Variants in TCTN2 observed in about 807,000 individuals in gnomAD.
TCTN2 encodes the protein tectonic family member 2, also known as tectonic-2.
In TCTN2, 66 loss-of-function variants were observed where a neutral mutation model predicts 83.4. That is an observed-to-expected ratio of 0.79 (90% CI 0.65 to 0.97). The LOEUF is 0.97. Among genes scored for constraint, TCTN2 ranks in the 50% least tolerant of loss-of-function variants. The probability of loss-of-function intolerance (pLI) is 0.00; values close to 1 mark genes in which losing one functional copy is unlikely to be tolerated. For synonymous variants in TCTN2, 301 were observed against 326.7 expected (o/e 0.92, Z 0.85); for missense variants, 794 against 858.1 (o/e 0.93, Z 0.93).
At chr12:123,701,981 A>G (rs1261991538) in intron 14 of TCTN2, among the ~76,000 whole-genome samples, 2 of 152,166 alleles carry the variant, frequency 1.3e-5, no homozygotes, top group African/African-American at 4.8e-5. Flanking sequence ...CCTTTGAGTC[A>G]TGGAGATCCA....
At chr12:123,679,413 GTA>G in intron 5 of TCTN2, 124 bp downstream of exon 5, 1 of 888,274 alleles carries the variant, frequency 1.1e-6, no homozygotes, top group Non-Finnish European at 1.8e-6. Context: ...CCAGGCTGGA[GTA>G]TGGTGATGCA....
chr12:123,707,932 A>G lies in TCTN2; in HGVS notation c.*219A>G. The G allele has an allele frequency of 1.9e-6, 1 of 536,758 alleles. No individual in the cohort carries two copies. The highest frequency in any genetic ancestry group is 3.4e-5 in the East Asian group (1 of 29,728). 33.2% of individuals were successfully genotyped at this position (536,758 alleles called of 1,614,324 possible). A position where few individuals can be genotyped will look rare whatever the true frequency, so the allele number is the denominator to read the frequency against. On this transcript the variant is annotated 3_prime_UTR_variant, in exon 18 of 18. Coordinates refer to ENST00000303372, the MANE Select transcript of TCTN2 (RefSeq NM_024809.5). ...ACCGTATTGGCCAGGCTGCTCTCGAACTCCTGACCTCATGATCCGCCCATC... is the reference window on the plus strand; with the variant it reads ...ACCGTATTGGCCAGGCTGCTCTCGAGCTCCTGACCTCATGATCCGCCCATC...
chr12:123,701,637 G>A (rs1956173982), intron 14 of TCTN2, among the ~76,000 whole-genome samples: 1 of 151,974 alleles, frequency 6.6e-6, no homozygotes, highest in Admixed American at 6.6e-5. Context: ...CAGCTACTCG[G>A]GAGGCTGAGG....
chr12:123,707,560 G>C, intron 17 of TCTN2, 44 bp from the exon 18 acceptor site: 1 of 1,562,902 alleles, frequency 6.4e-7, no homozygotes. Flanking sequence ...GTTATCAAAA[G>C]AGTTAAGAAA....
chr12:123,683,068 CA>C (rs1955919075), intron 5 of TCTN2, among the ~76,000 whole-genome samples: 1 of 151,022 alleles, frequency 6.6e-6, no homozygotes, highest in Non-Finnish European at 1.5e-5. Flanking sequence ...TACTAAAATA[CA>C]AAAATTAGCT....
Position 123,704,697 on chromosome 12 carries a change from A to G in TCTN2, c.1769+9A>G, listed in dbSNP as rs528667731. The stretch of plus-strand genomic sequence containing the variant: ...CTCGGTGTAGAGACAAGGTATGATC[A>G]CATCTTGGATCACCGTAGTTTAGAG... On this transcript the variant is annotated intron_variant, in intron 15 of 17. Coordinates refer to ENST00000303372, the MANE Select transcript of TCTN2 (RefSeq NM_024809.5). The G allele has an allele frequency of 2.5e-6, 4 of 1,613,548 alleles. No homozygotes were observed. The highest frequency in any genetic ancestry group is 3.3e-4 in the Middle Eastern group (2 of 6,054).
At chr12:123,681,694 G>A (rs531547624) in intron 5 of TCTN2, among the ~76,000 whole-genome samples, 8 of 152,220 alleles carry the variant, frequency 5.3e-5, no homozygotes, top group Middle Eastern at 6.8e-3. Context: ...GAATAGTGCC[G>A]CTGTGAACAT....
At chr12:123,683,009 A>AG (rs1292903060) in intron 5 of TCTN2, among the ~76,000 whole-genome samples, 1 of 151,222 alleles carries the variant, frequency 6.6e-6, no homozygotes, top group East Asian at 2.0e-4. Flanking sequence ...GGATCACCTG[A>AG]GGTCAGGAGT....
rs766790262 is a variant in TCTN2, at chr12:123,707,062, A to G, written c.1973A>G (p.Gln658Arg). The change falls in exon 17 of 18, where the codon CAG becomes CGG. Residue 658 changes from glutamine to arginine, a missense_variant. By Grantham distance (43) the Gln-to-Arg change is conservative. Coordinates refer to ENST00000303372, the MANE Select transcript of TCTN2 (RefSeq NM_024809.5). ...CWPQLLYPWT[Q>R]YYQGELHSQC... ...CCGCAGCTTCTATATCCATGGACTC[A>G]GTATTATCAAGGTAGGGTGAAACAG... is the stretch of plus-strand genomic sequence containing the variant. 9 of 1,613,164 alleles carry G rather than the reference A, an allele frequency of 5.6e-6. No homozygotes were observed. Among genetic ancestry groups the G allele is most frequent in the Non-Finnish European group, 6.8e-6 (8 of 1,179,910 alleles).
intron 3 of TCTN2, among the ~76,000 whole-genome samples, chr12:123,672,831 ATC>A (rs1955773265): frequency 1.3e-5 from 2 of 152,174 alleles, no homozygotes; most frequent in Non-Finnish European, 2.9e-5. Flanking sequence ...AGGGCGGATC[ATC>A]TGAGGTCAGG....
chr12:123,696,368 C>A, intron 11 of TCTN2, 47 bp from the exon 12 acceptor site: 2 of 1,476,490 alleles, frequency 1.4e-6, no homozygotes, highest in Non-Finnish European at 1.9e-6. Flanking sequence ...TTAGGGCTTG[C>A]TATGCTGGAG....
intron 5 of TCTN2, among the ~76,000 whole-genome samples, chr12:123,683,051 C>G (rs1397694742): frequency 1.3e-5 from 2 of 151,028 alleles, no homozygotes; most frequent in Non-Finnish European, 2.9e-5. Context: ...TGGTGAAACC[C>G]CATCTGTACT....
intron 5 of TCTN2, among the ~76,000 whole-genome samples, chr12:123,679,793 G>C (rs961837878): frequency 7.4e-6 from 1 of 135,680 alleles, no homozygotes; most frequent in African/African-American, 2.8e-5. Flanking sequence ...AGCCTGGAGT[G>C]CAGTGGCGTG....
intron 17 of TCTN2, 38 bp from the exon 18 acceptor site, chr12:123,707,566 A>G (rs1345985779): frequency 6.4e-7 from 1 of 1,573,350 alleles, no homozygotes; most frequent in South Asian, 1.1e-5. Context: ...AAAAGAGTTA[A>G]GAAATACTGC....
In TCTN2 at chr12:123,706,841, C is replaced by T. The variant is rs1956236149; in HGVS notation, c.1885C>T (p.Pro629Ser). The change falls in exon 16 of 18, where the codon CCC becomes TCC. Residue 629 changes from proline to serine, a missense_variant. Physicochemically the swap from Pro to Ser is moderately conservative, Grantham distance 74 (BLOSUM62 -1). Transcript: ENST00000303372. ...TAAAATTCCTGCACAGTTACCCCAC[C>T]CCCTGACAAGGTACTCCAGTTGCTC... ...FIKIPAQLPH[P>S]LTRFQINYTE... The T allele has an allele frequency of 1.2e-6, 2 of 1,614,084 alleles. No individual in the cohort carries two copies. Among genetic ancestry groups the T allele is most frequent in the Non-Finnish European group, 1.7e-6 (2 of 1,180,022 alleles).
At position 123,694,859 on chromosome 12, in the gene TCTN2, G is replaced by A. The variant is rs187433682; in HGVS notation, c.1117G>A (p.Gly373Arg). The change falls in exon 10 of 18, where the codon GGA becomes AGA. Residue 373 changes from glycine (G) to arginine (R), a missense_variant. Gly to Arg is a moderately radical substitution (Grantham distance 125, BLOSUM62 -2). Transcript: ENST00000303372. ...ITNTETPLNN[G>R]STPRIVNVEE... ...ATTTGCAGAAACTCCTTTAAATAAC[G>A]GATCAACCCCTAGAATTGTGAATGT... 7 of 1,612,686 alleles carry A rather than the reference G, an allele frequency of 4.3e-6. No homozygotes were observed. The highest frequency in any genetic ancestry group is 2.2e-5 in the East Asian group (1 of 44,854).
chr12:123,672,262 T>C (rs117988962), intron 3 of TCTN2, 130 bp downstream of exon 3: 3 of 893,802 alleles, frequency 3.4e-6, no homozygotes, highest in Non-Finnish European at 5.5e-6. Flanking sequence ...TGTGGGCTGT[T>C]GGATCTGGTA....
chr12:123,700,917 C>T (rs1214330898), intron 14 of TCTN2, among the ~76,000 whole-genome samples: 1 of 152,142 alleles, frequency 6.6e-6, no homozygotes, highest in East Asian at 1.9e-4. Context: ...CATCACACTC[C>T]AACCTGGATG....
At chr12:123,696,278 T>C in intron 11 of TCTN2, 137 bp from the exon 12 acceptor site, 1 of 724,754 alleles carries the variant, frequency 1.4e-6, no homozygotes, top group Non-Finnish European at 2.5e-6. Flanking sequence ...GAAGTTGCCA[T>C]CTTTCTCTCA....
Sources: allele counts gnomAD v4.1 joint callset (sites outside exome capture counted in the v4.1 genomes callset), GRCh38; gene constraint gnomAD v4.1.1; transcripts MANE v1.5; gene names NCBI Gene and HGNC (gene_info 2026-07-23, HGNC 2026-07-21).